Variants in PTPRD observed in about 807,000 individuals in gnomAD.
PTPRD encodes protein tyrosine phosphatase receptor type D.
A neutral mutation model predicts 214.5 loss-of-function variants in PTPRD; 34 were observed. The observed-to-expected ratio is 0.16, with a 90% CI of 0.12 to 0.21. The LOEUF (loss-of-function observed/expected upper bound fraction) is 0.21, where lower values mean the gene tolerates loss of function less well. Ranked by LOEUF, PTPRD falls within the 10% of genes least tolerant of loss-of-function variation. The pLI, the probability that PTPRD is intolerant of heterozygous loss-of-function variation, is 1.00. For synonymous variants in PTPRD, 1,128 were observed against 845.7 expected (o/e 1.33, Z -5.79); for missense variants, 2,545 against 2,398.7 (o/e 1.06, Z -1.27).
chr9:9,098,328 C>T (rs1002354565), intron 10 of PTPRD, among the ~76,000 whole-genome samples: 3 of 152,100 alleles, frequency 2.0e-5, no homozygotes, highest in Admixed American at 2.0e-4. Flanking sequence ...GTGCTGTTGG[C>T]TCACTGCAGC....
chr9:8,932,717 C>T (rs1047044150), intron 11 of PTPRD, among the ~76,000 whole-genome samples: 9 of 152,130 alleles, frequency 5.9e-5, no homozygotes, highest in African/African-American at 2.2e-4. Context: ...TGGACCCCCC[C>T]TCCCCACTAA....
At chr9:10,467,132 A>T (rs1175837961) in intron 2 of PTPRD, among the ~76,000 whole-genome samples, 2 of 152,182 alleles carry the variant, frequency 1.3e-5, no homozygotes, top group Admixed American at 6.5e-5. Flanking sequence ...AGCACCAAGA[A>T]GTTTCTAGTC....
intron 2 of PTPRD, among the ~76,000 whole-genome samples, chr9:10,530,969 A>G (rs2056085103): frequency 6.6e-6 from 1 of 150,622 alleles, no homozygotes; most frequent in Non-Finnish European, 1.5e-5. Flanking sequence ...TTTTTTTTTG[A>G]GACAGATTCT....
intron 5 of PTPRD, among the ~76,000 whole-genome samples, chr9:9,846,539 T>A (rs868406630): frequency 6.6e-6 from 1 of 152,314 alleles, no homozygotes; most frequent in South Asian, 2.1e-4. Flanking sequence ...AGTGAAATTC[T>A]TTCAACATAT....
chr9:9,437,779 C>T (rs751808670), intron 8 of PTPRD, among the ~76,000 whole-genome samples: 10 of 152,146 alleles, frequency 6.6e-5, no homozygotes, highest in Non-Finnish European at 1.2e-4. Flanking sequence ...TCAAATTTCA[C>T]AGTTAACCCG....
chr9:8,695,474 A>G (rs1027865633), intron 12 of PTPRD, among the ~76,000 whole-genome samples: 3 of 151,924 alleles, frequency 2.0e-5, no homozygotes, highest in Non-Finnish European at 2.9e-5. Context: ...ATAGGCAAGC[A>G]AGAAGGAAGC....
chr9:9,300,466 T>C (rs898358325), intron 9 of PTPRD, among the ~76,000 whole-genome samples: 1 of 151,826 alleles, frequency 6.6e-6, no homozygotes, highest in Non-Finnish European at 1.5e-5. Context: ...ACATAAGCTT[T>C]CCCTGACAGC....
intron 7 of PTPRD, among the ~76,000 whole-genome samples, chr9:9,577,287 G>A (rs1439890717): frequency 1.3e-5 from 2 of 152,178 alleles, no homozygotes; most frequent in Admixed American, 1.3e-4. Flanking sequence ...GCATTGGCTG[G>A]GCATGGTGGC....
At chr9:8,443,970 C>T (rs1215072450) in intron 34 of PTPRD, among the ~76,000 whole-genome samples, 2 of 152,138 alleles carry the variant, frequency 1.3e-5, no homozygotes, top group Non-Finnish European at 2.9e-5. Context: ...TTGCCCAATT[C>T]TAAAGGCCAT....
chr9:10,317,909 G>C (rs616951), intron 3 of PTPRD, among the ~76,000 whole-genome samples: 29,306 of 151,704 alleles, frequency 0.19, 2,978 homozygotes, highest in African/African-American at 0.26. Context: ...CTAAATTCCA[G>C]CTTCACTTCT....
intron 7 of PTPRD, among the ~76,000 whole-genome samples, chr9:9,665,343 A>C (rs1594678857): frequency 6.6e-6 from 1 of 151,852 alleles, no homozygotes; most frequent in Admixed American, 6.6e-5. Flanking sequence ...ATACACTTAG[A>C]AAAGTGGCTT....
At chr9:10,491,665 A>G (rs1050203657) in intron 2 of PTPRD, among the ~76,000 whole-genome samples, 2 of 152,062 alleles carry the variant, frequency 1.3e-5, no homozygotes, top group Non-Finnish European at 2.9e-5. Context: ...GCTTTTAGAG[A>G]AAAAAGTAGT....
intron 7 of PTPRD, among the ~76,000 whole-genome samples, chr9:9,669,572 G>A (rs2096787354): frequency 6.6e-6 from 1 of 152,078 alleles, no homozygotes; most frequent in South Asian, 2.1e-4. Context: ...GAAAAATGAT[G>A]TTTTTAAACT....
intron 11 of PTPRD, among the ~76,000 whole-genome samples, chr9:8,847,817 C>A (rs2097728635): frequency 6.6e-6 from 1 of 151,960 alleles, no homozygotes; most frequent in African/African-American, 2.4e-5. Flanking sequence ...GAAATGAAAA[C>A]AAGAGTATTT....
At chr9:8,985,785 G>A (rs1414898399) in intron 11 of PTPRD, among the ~76,000 whole-genome samples, 1 of 151,910 alleles carries the variant, frequency 6.6e-6, no homozygotes, top group African/African-American at 2.4e-5. Flanking sequence ...TGCACCTATA[G>A]CCTGAGGTTA....
intron 3 of PTPRD, among the ~76,000 whole-genome samples, chr9:10,115,476 A>C (rs2098723221): frequency 6.6e-6 from 1 of 152,098 alleles, no homozygotes. Context: ...TTTAAAAATC[A>C]GATCTCTTTG....
intron 5 of PTPRD, among the ~76,000 whole-genome samples, chr9:9,785,680 C>T (rs1006921094): frequency 6.6e-6 from 1 of 151,974 alleles, no homozygotes; most frequent in Non-Finnish European, 1.5e-5. Flanking sequence ...GGTGCTGGAA[C>T]AGAAAAAGAA....
chr9:10,151,047 C>T (rs1208137284), intron 3 of PTPRD, among the ~76,000 whole-genome samples: 2 of 136,958 alleles, frequency 1.5e-5, no homozygotes, highest in East Asian at 2.2e-4. Context: ...ACTTTCTAGA[C>T]TTTTTTGTTA....
chr9:8,499,081 T>G (rs10115800), intron 25 of PTPRD, among the ~76,000 whole-genome samples: 7,775 of 152,224 alleles, frequency 0.051, 652 homozygotes, highest in African/African-American at 0.18. Flanking sequence ...GCTAGGAAAT[T>G]CTGATTTAAT....
Sources: gnomAD v4.1 joint callset for allele counts (sites outside exome capture counted in the v4.1 genomes callset) on GRCh38, gnomAD v4.1.1 for gene constraint, MANE v1.5 for transcripts, NCBI Gene and HGNC (gene_info 2026-07-23, HGNC 2026-07-21) for gene names.